TRAF3: variants seen among roughly 807,000 people sequenced by gnomAD.
TRAF3 encodes the protein TNF receptor associated factor 3, also known as TNF receptor-associated factor 3.
A neutral mutation model predicts 62.3 loss-of-function variants in TRAF3; 13 were observed. The ratio of observed to expected loss-of-function variants is 0.21; its 90% CI spans 0.14 to 0.33. TRAF3 has a LOEUF of 0.33. Ranked by LOEUF, TRAF3 falls within the 10% of genes least tolerant of loss-of-function variation. The probability of loss-of-function intolerance (pLI) is 1.00; values close to 1 mark genes in which losing one functional copy is unlikely to be tolerated. For missense variants in TRAF3, 440 were observed against 741.8 expected (o/e 0.59, Z 4.73); for synonymous variants, 269 against 283.4 (o/e 0.95, Z 0.51).
chr14:102,867,963 G>T (rs1888103692), intron 2 of TRAF3, among the ~76,000 whole-genome samples: 1 of 152,298 alleles, frequency 6.6e-6, no homozygotes, highest in South Asian at 2.1e-4. Flanking sequence ...TTTGCTTCTA[G>T]CTGTAAAGTC....
chr14:102,792,264 A>C (rs1352405232), intron 1 of TRAF3, among the ~76,000 whole-genome samples: 1 of 151,458 alleles, frequency 6.6e-6, no homozygotes, highest in Non-Finnish European at 1.5e-5. Flanking sequence ...AGCTGGGACT[A>C]CTATAGGTGC....
In TRAF3 at chr14:102,778,321, C is replaced by A. The variant is rs190048476; in HGVS notation, c.-157+646C>A. 4.5e-3 allele frequency among the ~76,000 whole-genome samples: 689 copies of A among 151,958 alleles called. 4 individuals are homozygous for A. The highest frequency in any genetic ancestry group is 0.016 in the African/African-American group (669 of 41,516). On this transcript the variant is annotated intron_variant, in intron 1 of 11. Transcript: ENST00000392745. ...CCCGCGGGCGCCAGGCGGCTCTCGGCGGGCTGGCCGGTTCCACGCCGCCAG... is the reference window on the plus strand; with the variant it reads ...CCCGCGGGCGCCAGGCGGCTCTCGGAGGGCTGGCCGGTTCCACGCCGCCAG...
chr14:102,858,798 A>G (rs1381337864), intron 2 of TRAF3, among the ~76,000 whole-genome samples: 1 of 152,242 alleles, frequency 6.6e-6, no homozygotes, highest in Middle Eastern at 3.2e-3. Flanking sequence ...ACCATTTCAT[A>G]TTTGACAGTG....
chr14:102,890,715 T>A (rs1889660753), intron 8 of TRAF3, among the ~76,000 whole-genome samples: 2 of 152,242 alleles, frequency 1.3e-5, no homozygotes, highest in Admixed American at 1.3e-4. Flanking sequence ...TGCTTATTCC[T>A]GACTCTAAAA....
chr14:102,877,065 A>G (rs368621068), intron 6 of TRAF3, among the ~76,000 whole-genome samples: 2 of 148,288 alleles, frequency 1.3e-5, no homozygotes, highest in Non-Finnish European at 3.0e-5. Context: ...GGCTCAATTC[A>G]TAGATAATCC....
intron 1 of TRAF3, among the ~76,000 whole-genome samples, chr14:102,820,152 G>A (rs1231127197): frequency 1.3e-5 from 2 of 152,128 alleles, no homozygotes; most frequent in Non-Finnish European, 2.9e-5. Flanking sequence ...CTACAGGTGC[G>A]GTTTCAGGTG....
intron 2 of TRAF3, among the ~76,000 whole-genome samples, chr14:102,857,972 C>T (rs536188405): frequency 1.2e-4 from 19 of 152,268 alleles, no homozygotes; most frequent in Non-Finnish European, 2.6e-4. Context: ...TTGTCAAAAG[C>T]TGTAAGTAGC....
rs558893754 is a variant in TRAF3, at chr14:102,792,342, G to T, written c.-157+14667G>T. Among the ~76,000 whole-genome samples, 15 of 151,378 alleles carry T rather than the reference G, an allele frequency of 9.9e-5. No homozygotes were observed. In the South Asian group the frequency reaches 2.9e-3, roughly 30 times the overall value. On this transcript the variant is annotated intron_variant, in intron 1 of 11. Coordinates refer to ENST00000392745, the MANE Select transcript of TRAF3 (RefSeq NM_145725.3). Reference sequence around the variant, plus strand: ...GGGTCTTGCTGTGTTGCCCAGGTTGGTCTCAAATTCCTCACCTTGAGCAGT... The same window carrying T: ...GGGTCTTGCTGTGTTGCCCAGGTTGTTCTCAAATTCCTCACCTTGAGCAGT...
chr14:102,820,614 A>ATATATATATATATATATTTT (rs1566755336), intron 1 of TRAF3, among the ~76,000 whole-genome samples: 1 of 17,926 alleles, frequency 5.6e-5, no homozygotes, highest in African/African-American at 5.9e-4. Flanking sequence ...ATATATATAT[A>ATATATATATATATATATTTT]TTTTTTTTTT....
chr14:102,804,186 T>TAA, intron 1 of TRAF3, among the ~76,000 whole-genome samples: 1 of 144,848 alleles, frequency 6.9e-6, no homozygotes, highest in South Asian at 2.2e-4. Flanking sequence ...TGAGACTGTT[T>TAA]AAAAAAAAAA....
intron 1 of TRAF3, among the ~76,000 whole-genome samples, chr14:102,800,923 A>C (rs940374592): frequency 6.6e-6 from 1 of 152,268 alleles, no homozygotes; most frequent in South Asian, 2.1e-4. Flanking sequence ...TCACACCTGT[A>C]ATCCCAGCAC....
At chr14:102,813,458 C>T (rs12878532) in intron 1 of TRAF3, among the ~76,000 whole-genome samples, 71,503 of 139,584 alleles carry the variant, frequency 0.51, 20,813 homozygotes, top group South Asian at 0.73. Flanking sequence ...CTTTTCTTTT[C>T]TTTTTTTTTT....
At chr14:102,895,258 C>A in intron 9 of TRAF3, 1 of 330,872 alleles carries the variant, frequency 3.0e-6, no homozygotes, top group Non-Finnish European at 6.1e-6. Flanking sequence ...AAAGCCTTTG[C>A]GGAGTAAAAT....
chr14:102,853,266 A>G (rs903432117), intron 2 of TRAF3, among the ~76,000 whole-genome samples: 37 of 151,776 alleles, frequency 2.4e-4, no homozygotes, highest in African/African-American at 9.0e-4. Flanking sequence ...AACTCCTGGT[A>G]CTTCAAGCAG....
chr14:102,836,134 G>A (rs185610175), intron 2 of TRAF3, among the ~76,000 whole-genome samples: 145 of 152,332 alleles, frequency 9.5e-4, no homozygotes, highest in African/African-American at 3.3e-3. Context: ...ATCTGGGGCA[G>A]AGCCAGTGCC....
chr14:102,828,068 G>A (rs189412175), intron 1 of TRAF3, among the ~76,000 whole-genome samples: 5 of 152,338 alleles, frequency 3.3e-5, no homozygotes, highest in Admixed American at 6.5e-5. Context: ...CACCCCGCAC[G>A]GCCAGTTGTC....
intron 3 of TRAF3, 91 bp from the exon 4 acceptor site, chr14:102,871,826 C>G: frequency 8.1e-7 from 1 of 1,240,750 alleles, no homozygotes. Context: ...ACTGTGCAGA[C>G]CTGACCATAA....
chr14:102,834,542 C>T (rs1885856883), intron 2 of TRAF3, among the ~76,000 whole-genome samples: 1 of 151,868 alleles, frequency 6.6e-6, no homozygotes, highest in African/African-American at 2.4e-5. Flanking sequence ...AAAAAATTAG[C>T]CGGGCGTGGT....
chr14:102,851,048 A>G (rs1038452421), intron 2 of TRAF3, among the ~76,000 whole-genome samples: 2 of 152,214 alleles, frequency 1.3e-5, no homozygotes, highest in Admixed American at 6.5e-5. Flanking sequence ...GGAACCTGCA[A>G]GCTGCTCCCC....
Sources: gnomAD v4.1 joint callset for allele counts (sites outside exome capture counted in the v4.1 genomes callset) on GRCh38, gnomAD v4.1.1 for gene constraint, MANE v1.5 for transcripts, NCBI Gene and HGNC (gene_info 2026-07-23, HGNC 2026-07-21) for gene names.